The following LINGO2 variants were observed in gnomAD, a reference collection of about 807,000 sequenced individuals.
The protein encoded by LINGO2 is leucine rich repeat and Ig domain containing 2.
In LINGO2, 14 loss-of-function variants were observed where a neutral mutation model predicts 30.6. The observed-to-expected ratio is 0.46, with a 90% CI of 0.30 to 0.72. The LOEUF is 0.72. Among genes scored for constraint, LINGO2 ranks in the 30% least tolerant of loss-of-function variants. The pLI, the probability that LINGO2 is intolerant of heterozygous loss-of-function variation, is 0.07. For missense variants in LINGO2, 729 were observed against 751.7 expected, an observed-to-expected ratio of 0.97 and a Z score of 0.35; for synonymous variants, 317 against 288.5, an observed-to-expected ratio of 1.10 and a Z score of -1.00.
intron 3 of LINGO2, among the ~76,000 whole-genome samples, chr9:28,365,225 T>C (rs992347903): frequency 2.0e-5 from 3 of 151,846 alleles, no homozygotes; most frequent in Non-Finnish European, 2.9e-5. Context: ...GCATTCTCAA[T>C]AGAGGGAACG....
chr9:28,473,573 T>A (rs1825613414), intron 2 of LINGO2, among the ~76,000 whole-genome samples: 1 of 151,988 alleles, frequency 6.6e-6, no homozygotes, highest in South Asian at 2.1e-4. Context: ...TTCTTCCCTT[T>A]TCAGAGGGAG....
rs143768290 is a variant in LINGO2 at position 28,480,811 on chromosome 9, T to C, written c.-364-4786A>G. Among the ~76,000 whole-genome samples the C allele has an allele frequency of 2.0e-4, 30 of 152,208 alleles. No homozygotes were observed. The East Asian group carries it at 5.0e-3, about 25-fold the overall frequency. Reference sequence around the variant, plus strand: ...CCTTTTAGGCCCTGATTCCCTTCTATAACATATAACTTTATAGAGGGTTAA... The same window carrying C: ...CCTTTTAGGCCCTGATTCCCTTCTACAACATATAACTTTATAGAGGGTTAA... On this transcript the variant is annotated intron_variant, in intron 1 of 5. Coordinates refer to ENST00000379992, the Ensembl canonical transcript of LINGO2.
intron 1 of LINGO2, among the ~76,000 whole-genome samples, chr9:28,567,372 T>A (rs7045709): frequency 0.18 from 26,743 of 152,020 alleles, 2,600 homozygotes; most frequent in East Asian, 0.32. Flanking sequence ...CTAGTCACAT[T>A]AGCAAAGGCA....
intron 2 of LINGO2, among the ~76,000 whole-genome samples, chr9:28,428,520 G>A (rs1823511030): frequency 6.6e-6 from 1 of 152,132 alleles, no homozygotes; most frequent in South Asian, 2.1e-4. Flanking sequence ...TGCTGAGAAA[G>A]TCATCTGATC....
In LINGO2 at chr9:28,540,219, A is replaced by AT. The variant is rs903049737; in HGVS notation, c.-364-64195dup. 3.6e-4 allele frequency among the ~76,000 whole-genome samples: 50 copies of AT among 137,204 alleles called. No homozygotes were observed. In the South Asian group the frequency reaches 6.8e-3, roughly 19 times the overall value. The allele number at this position is 137,204 out of a possible 152,430, so 90.0% of individuals were successfully genotyped here. A position where few individuals can be genotyped will look rare whatever the true frequency, so the allele number is the denominator to read the frequency against. ...CTCCCTTTATACCATTTTTCAGTTCATTTTTTTTTTCTTTGAGACAGGCTC... is the reference window on the plus strand; with the variant it reads ...CTCCCTTTATACCATTTTTCAGTTCATTTTTTTTTTTCTTTGAGACAGGCTC... On this transcript the variant is annotated intron_variant, in intron 1 of 5. Coordinates refer to ENST00000379992, the Ensembl canonical transcript of LINGO2.
chr9:28,307,826 C>A (rs1320350323), intron 3 of LINGO2, among the ~76,000 whole-genome samples: 1 of 152,114 alleles, frequency 6.6e-6, no homozygotes, highest in East Asian at 1.9e-4. Flanking sequence ...AACTCCTATT[C>A]ACAATTGCTT....
chr9:28,775,827 T>G, the LINGO2 span, among the ~76,000 whole-genome samples: 1 of 152,230 alleles, frequency 6.6e-6, no homozygotes, highest in Non-Finnish European at 1.5e-5. Flanking sequence ...CTTTGTTCGT[T>G]CACTCTTTGT....
chr9:28,984,620 C>T, the LINGO2 span, among the ~76,000 whole-genome samples: 5 of 151,896 alleles, frequency 3.3e-5, no homozygotes, highest in African/African-American at 1.2e-4. Context: ...CTTTTTAAAT[C>T]ATTAAAATAG....
the LINGO2 span, among the ~76,000 whole-genome samples, chr9:28,840,649 C>A: frequency 6.6e-6 from 1 of 151,806 alleles, no homozygotes; most frequent in Admixed American, 6.6e-5. Flanking sequence ...TAATCATTGA[C>A]ACTGAGAGAA....
the LINGO2 span, among the ~76,000 whole-genome samples, chr9:29,001,472 A>C: frequency 6.6e-6 from 1 of 152,020 alleles, no homozygotes; most frequent in African/African-American, 2.4e-5. Context: ...ATAAAATAAG[A>C]ATCTTTTAAA....
intron 4 of LINGO2, among the ~76,000 whole-genome samples, chr9:28,096,564 A>G (rs530725283): frequency 5.3e-5 from 8 of 152,302 alleles, no homozygotes; most frequent in African/African-American, 1.9e-4. Flanking sequence ...TTGGCTTTGT[A>G]GTGCCTAGAC....
chr9:28,111,895 GTTTATTTA>G (rs541664007), intron 4 of LINGO2, among the ~76,000 whole-genome samples: 1 of 151,812 alleles, frequency 6.6e-6, no homozygotes, highest in South Asian at 2.1e-4. Flanking sequence ...TAGAATAAAT[GTTTATTTA>G]TTTATTTATT....
chr9:29,121,974 C>G, the LINGO2 span, among the ~76,000 whole-genome samples: 15 of 151,840 alleles, frequency 9.9e-5, no homozygotes, highest in South Asian at 3.1e-3. Context: ...TTTGGAAATA[C>G]GAAGTAAGTA....
intron 1 of LINGO2, among the ~76,000 whole-genome samples, chr9:28,508,580 C>T (rs910691035): frequency 2.6e-5 from 4 of 151,852 alleles, no homozygotes; most frequent in Non-Finnish European, 4.4e-5. Context: ...TTATATTTAT[C>T]TAACTACTGG....
At chr9:28,943,303 A>G in the LINGO2 span, among the ~76,000 whole-genome samples, 1 of 152,158 alleles carries the variant, frequency 6.6e-6, no homozygotes, top group Admixed American at 6.6e-5. Context: ...TTCTTTGACT[A>G]CTATGGGAAT....
chr9:28,586,121 GTTTA>G (rs1012425398), intron 1 of LINGO2, among the ~76,000 whole-genome samples: 1 of 151,866 alleles, frequency 6.6e-6, no homozygotes. Context: ...TTAGAATCAA[GTTTA>G]TTTATGAATT....
chr9:28,675,706 A>G, the LINGO2 span, among the ~76,000 whole-genome samples: 27 of 151,678 alleles, frequency 1.8e-4, no homozygotes, highest in South Asian at 5.2e-3. Flanking sequence ...CCCTGTCTCT[A>G]CTAAACATAC....
At chr9:28,217,292 C>T (rs1820800868) in intron 4 of LINGO2, among the ~76,000 whole-genome samples, 1 of 151,478 alleles carries the variant, frequency 6.6e-6, no homozygotes, top group Non-Finnish European at 1.5e-5. Flanking sequence ...GTAATTTATC[C>T]TTTAAGTTAA....
At chr9:28,699,965 T>C in the LINGO2 span, among the ~76,000 whole-genome samples, 3 of 152,202 alleles carry the variant, frequency 2.0e-5, no homozygotes, top group African/African-American at 2.4e-5. Flanking sequence ...CTGCTGAATA[T>C]AGACCCTTAT....
Sources: gnomAD v4.1 joint callset for allele counts (sites outside exome capture counted in the v4.1 genomes callset) on GRCh38, gnomAD v4.1.1 for gene constraint, MANE v1.5 for transcripts, NCBI Gene and HGNC (gene_info 2026-07-23, HGNC 2026-07-21) for gene names.